Variants in MYO3B observed in about 807,000 individuals in gnomAD.
The protein encoded by MYO3B is myosin-IIIb.
MYO3B carries 156 observed loss-of-function variants against 174.6 expected under a neutral mutation model. That is an observed-to-expected ratio of 0.89 (90% CI 0.78 to 1.02). MYO3B has a LOEUF of 1.02. MYO3B is among the 50% of genes least tolerant of loss of function. MYO3B has a pLI of 0.00. For missense variants in MYO3B, 1,632 were observed against 1,639.4 expected (o/e 1.00, Z 0.08); for synonymous variants, 563 against 569.1 (o/e 0.99, Z 0.15).
At chr2:170,255,288 C>A (rs573926462) in intron 7 of MYO3B, among the ~76,000 whole-genome samples, 9 of 152,146 alleles carry the variant, frequency 5.9e-5, no homozygotes, top group Admixed American at 2.6e-4. Context: ...GTAGGAGGCT[C>A]CCTCAAAACC....
At chr2:170,580,013 A>AT (rs1252256992) in intron 32 of MYO3B, among the ~76,000 whole-genome samples, 1 of 152,154 alleles carries the variant, frequency 6.6e-6, no homozygotes, top group Non-Finnish European at 1.5e-5. Flanking sequence ...CTAAAGTGCT[A>AT]TTTTTCTTCC....
intron 8 of MYO3B, among the ~76,000 whole-genome samples, chr2:170,360,602 T>G (rs2094153324): frequency 6.6e-6 from 1 of 152,206 alleles, no homozygotes; most frequent in South Asian, 2.1e-4. Flanking sequence ...ACATTAACAT[T>G]TCCTTGTTGC....
At chr2:170,446,626 G>T (rs1015970505) in intron 23 of MYO3B, among the ~76,000 whole-genome samples, 1 of 152,072 alleles carries the variant, frequency 6.6e-6, no homozygotes, top group Admixed American at 6.6e-5. Flanking sequence ...AATAAAAAAT[G>T]AAACAAAACC....
chr2:170,623,055 C>T (rs1227401505), intron 32 of MYO3B, among the ~76,000 whole-genome samples: 1 of 152,194 alleles, frequency 6.6e-6, no homozygotes, highest in East Asian at 1.9e-4. Context: ...GTCTTTATAG[C>T]AGTATGATTT....
At position 170,501,790 on chromosome 2, in the gene MYO3B, A is replaced by G; in HGVS notation, c.3295A>G (p.Arg1099Gly). Residue 1099 changes from arginine (R) to glycine (G), a missense_variant, in exon 28 of 35, where the codon AGA becomes GGA. By Grantham distance (125) the Arg-to-Gly change is moderately radical. Coordinates refer to ENST00000408978, the MANE Select transcript of MYO3B (RefSeq NM_138995.5). Reference protein sequence around the residue: ...KGAIAIQSAWRGYDARRKFKK... With the variant: ...KGAIAIQSAWGGYDARRKFKK... ...ACATGGTTTTATATTTTTAGCCTGG[A>G]GAGGATATGATGCTCGGAGGAAATT... 1 of 1,606,988 alleles carries G rather than the reference A, an allele frequency of 6.2e-7. No individual in the cohort carries two copies.
chr2:170,632,650 G>T (rs1697107736), intron 32 of MYO3B, among the ~76,000 whole-genome samples: 1 of 152,068 alleles, frequency 6.6e-6, no homozygotes, highest in South Asian at 2.1e-4. Context: ...AACTGAAAGA[G>T]ATAGAGACAC....
chr2:170,513,124 C>T (rs577320925), intron 28 of MYO3B, among the ~76,000 whole-genome samples: 21 of 152,306 alleles, frequency 1.4e-4, no homozygotes, highest in Non-Finnish European at 2.1e-4. Flanking sequence ...AAGTACCTAC[C>T]GTTCAGCTTG....
intron 15 of MYO3B, 126 bp from the exon 16 acceptor site, chr2:170,392,255 T>C: frequency 1.8e-6 from 1 of 561,582 alleles, no homozygotes; most frequent in Admixed American, 3.1e-5. Flanking sequence ...ATCACACCAC[T>C]GCACTTCAGG....
At chr2:170,181,730 T>A (rs764462382) in intron 1 of MYO3B, among the ~76,000 whole-genome samples, 1 of 152,158 alleles carries the variant, frequency 6.6e-6, no homozygotes, top group Non-Finnish European at 1.5e-5. Context: ...TTAATATAAA[T>A]CTAAGTGTGC....
At chr2:170,296,068 T>G (rs2048989) in intron 7 of MYO3B, among the ~76,000 whole-genome samples, 101,817 of 151,668 alleles carry the variant, frequency 0.67, 34,311 homozygotes, top group Admixed American at 0.73. Flanking sequence ...CAGATGCTCT[T>G]ACGCTCATCT....
At chr2:170,405,753 A>T in intron 21 of MYO3B, 120 bp downstream of exon 21, 1 of 795,276 alleles carries the variant, frequency 1.3e-6, no homozygotes, top group African/African-American at 1.7e-5. Flanking sequence ...ATTCTTCCTG[A>T]ATACCTAATC....
chr2:170,638,692 T>A (rs1366245346), intron 32 of MYO3B, among the ~76,000 whole-genome samples: 1 of 152,194 alleles, frequency 6.6e-6, no homozygotes, highest in Non-Finnish European at 1.5e-5. Flanking sequence ...TGCACACAGA[T>A]GTTCACACAC....
At chr2:170,501,647 C>G (rs1687275745) in intron 27 of MYO3B, 138 bp from the exon 28 acceptor site, 1 of 608,212 alleles carries the variant, frequency 1.6e-6, no homozygotes, top group South Asian at 2.0e-5. Context: ...GATCACATAC[C>G]TCTGCTTATT....
chr2:170,604,321 A>G (rs1363934359), intron 32 of MYO3B, among the ~76,000 whole-genome samples: 1 of 152,208 alleles, frequency 6.6e-6, no homozygotes, highest in Admixed American at 6.5e-5. Context: ...GTATGTATAT[A>G]GAATAGTTCA....
intron 7 of MYO3B, among the ~76,000 whole-genome samples, chr2:170,329,215 A>G (rs955502669): frequency 2.1e-5 from 3 of 146,198 alleles, no homozygotes; most frequent in African/African-American, 7.6e-5. Context: ...ACATTTACTT[A>G]CAACACAGAA....
chr2:170,362,538 C>T (rs547180663), intron 8 of MYO3B, among the ~76,000 whole-genome samples: 1 of 152,162 alleles, frequency 6.6e-6, no homozygotes, highest in South Asian at 2.1e-4. Flanking sequence ...ACTCAGCTTC[C>T]TGTTCAAAAG....
chr2:170,350,784 G>A (rs774222648), intron 8 of MYO3B: 1 of 152,204 alleles, frequency 6.6e-6, no homozygotes, highest in South Asian at 2.1e-4. Flanking sequence ...TAGCTTAATA[G>A]CTTCACACTA....
At chr2:170,491,667 T>C (rs936969710) in intron 25 of MYO3B, among the ~76,000 whole-genome samples, 14 of 152,324 alleles carry the variant, frequency 9.2e-5, no homozygotes, top group East Asian at 1.9e-4. Flanking sequence ...CCTCGTGATC[T>C]GCCCGCCTTG....
intron 7 of MYO3B, among the ~76,000 whole-genome samples, chr2:170,240,192 T>C (rs2093115702): frequency 6.6e-6 from 1 of 152,196 alleles, no homozygotes; most frequent in Admixed American, 6.5e-5. Flanking sequence ...AGGTTCTGAG[T>C]AGACATATCT....
Sources: allele counts gnomAD v4.1 joint callset (sites outside exome capture counted in the v4.1 genomes callset), GRCh38; gene constraint gnomAD v4.1.1; transcripts MANE v1.5; gene names NCBI Gene and HGNC (gene_info 2026-07-23, HGNC 2026-07-21).